Variants in FMNL2 observed in about 807,000 individuals in gnomAD.
FMNL2 encodes the protein formin-like protein 2.
Under a neutral mutation model 130.2 loss-of-function variants are expected in FMNL2, and 51 were observed. That is an observed-to-expected ratio of 0.39 (90% CI 0.31 to 0.49). The LOEUF (loss-of-function observed/expected upper bound fraction) is 0.49. Among genes scored for constraint, FMNL2 ranks in the 20% least tolerant of loss-of-function variants. FMNL2 has a pLI of 0.85. For missense variants in FMNL2, 977 were observed against 1,316.2 expected (o/e 0.74, Z 3.99); for synonymous variants, 465 against 467.1 (o/e 1.00, Z 0.06).
At chr2:152,608,726 T>C (rs1275161752) in intron 10 of FMNL2, among the ~76,000 whole-genome samples, 2 of 152,114 alleles carry the variant, frequency 1.3e-5, no homozygotes, top group African/African-American at 4.8e-5. Context: ...TGTCTCATGA[T>C]GTGAGTTTCT....
chr2:152,509,737 C>T (rs367918553), intron 1 of FMNL2, among the ~76,000 whole-genome samples: 18 of 58,682 alleles, frequency 3.1e-4, no homozygotes, highest in Non-Finnish European at 3.1e-4. Context: ...TACTCTGGAC[C>T]TTTTTTTTTT....
chr2:152,522,651 T>G (rs1693160078), intron 2 of FMNL2, among the ~76,000 whole-genome samples: 1 of 152,172 alleles, frequency 6.6e-6, no homozygotes, highest in Non-Finnish European at 1.5e-5. Flanking sequence ...CTGCACAAAC[T>G]CTTTGCTCTT....
intron 1 of FMNL2, among the ~76,000 whole-genome samples, chr2:152,466,938 G>A (rs772810994): frequency 3.3e-5 from 5 of 152,128 alleles, no homozygotes; most frequent in Non-Finnish European, 1.5e-5. Flanking sequence ...AGCCTGCACC[G>A]ATTTTGTCCC....
At chr2:152,434,492 C>T (rs931053139) in intron 1 of FMNL2, among the ~76,000 whole-genome samples, 1 of 152,150 alleles carries the variant, frequency 6.6e-6, no homozygotes, top group Non-Finnish European at 1.5e-5. Context: ...CACACAAAAA[C>T]TTGAGTGCTT....
intron 4 of FMNL2, among the ~76,000 whole-genome samples, chr2:152,550,086 G>A (rs1340065566): frequency 6.6e-6 from 1 of 152,082 alleles, no homozygotes; most frequent in Non-Finnish European, 1.5e-5. Context: ...GTGAAATAAT[G>A]TTGTTATAAA....
intron 1 of FMNL2, among the ~76,000 whole-genome samples, chr2:152,499,921 C>T (rs144125969): frequency 1.8e-4 from 28 of 152,212 alleles, no homozygotes; most frequent in African/African-American, 4.8e-4. Flanking sequence ...GGCTAAAACC[C>T]GACTCTGGAT....
At position 152,649,691 on chromosome 2, in the gene FMNL2, T is replaced by C. The variant is rs1387381970; in HGVS notation, c.*1786T>C. ...TTTATTAATCTACAAATAGACAACG[T>C]TGGCATGTTCTTTTCTGTTTGTCTA... On this transcript the variant is annotated 3_prime_UTR_variant, in exon 26 of 26. Coordinates refer to ENST00000288670, the MANE Select transcript of FMNL2 (RefSeq NM_052905.4). The C allele has an allele frequency of 1.3e-5, 2 of 152,652 alleles. No homozygotes were observed. The highest frequency in any genetic ancestry group is 1.3e-4 in the Admixed American group (2 of 15,282). The allele number at this position is 152,652 out of a possible 1,614,324, so 9.5% of individuals were successfully genotyped here.
At chr2:152,431,519 A>G (rs189788069) in intron 1 of FMNL2, among the ~76,000 whole-genome samples, 128 of 152,352 alleles carry the variant, frequency 8.4e-4, no homozygotes, top group African/African-American at 3.0e-3. Context: ...AAAAATAGCA[A>G]CATGTTTTTG....
chr2:152,614,136 A>G (rs1274441069), intron 11 of FMNL2, among the ~76,000 whole-genome samples: 1 of 152,224 alleles, frequency 6.6e-6, no homozygotes, highest in African/African-American at 2.4e-5. Context: ...GTAACTAACC[A>G]GGTAAGATAC....
intron 1 of FMNL2, among the ~76,000 whole-genome samples, chr2:152,377,028 C>T (rs1410409779): frequency 1.3e-5 from 2 of 152,184 alleles, no homozygotes; most frequent in African/African-American, 4.8e-5. Flanking sequence ...TCACATAGAT[C>T]TGGGATGGAA....
rs1347974358 is a variant in FMNL2, at chr2:152,359,547, AG to A, written c.117+23828del. ...AACTAGGGAGAGTCAGGCATTAGGA[AG>A]TTAAGTGTGGAGTTGATTTTTTTAA... On this transcript the variant is annotated intron_variant, in intron 1 of 25. Coordinates refer to ENST00000288670, the MANE Select transcript of FMNL2 (RefSeq NM_052905.4). 2.6e-5 allele frequency among the ~76,000 whole-genome samples: 4 copies of A among 150,948 alleles called. No homozygotes were observed. The Admixed American group carries it at 2.7e-4, about 10-fold the overall frequency.
intron 1 of FMNL2, among the ~76,000 whole-genome samples, chr2:152,386,397 C>G (rs1480127911): frequency 3.3e-5 from 5 of 152,184 alleles, no homozygotes; most frequent in African/African-American, 7.2e-5. Context: ...TGCCACTTGT[C>G]TTGTCATCTT....
chr2:152,635,376 T>TG (rs1682505757), intron 21 of FMNL2, among the ~76,000 whole-genome samples: 1 of 152,352 alleles, frequency 6.6e-6, no homozygotes, highest in South Asian at 2.1e-4. Flanking sequence ...TTGTTGATGT[T>TG]GCGAGTTGTC....
intron 1 of FMNL2, among the ~76,000 whole-genome samples, chr2:152,486,166 CT>C (rs1690819291): frequency 6.6e-6 from 1 of 152,176 alleles, no homozygotes. Flanking sequence ...TTCTTGTCAC[CT>C]TTCAGCTCTT....
intron 1 of FMNL2, among the ~76,000 whole-genome samples, chr2:152,516,174 T>C (rs752420703): frequency 6.6e-6 from 1 of 152,150 alleles, no homozygotes; most frequent in Non-Finnish European, 1.5e-5. Flanking sequence ...GTTTGATGGG[T>C]ACAGAGTTTG....
chr2:152,430,977 A>G (rs1687464380), intron 1 of FMNL2, among the ~76,000 whole-genome samples: 1 of 152,140 alleles, frequency 6.6e-6, no homozygotes, highest in Non-Finnish European at 1.5e-5. Context: ...GGACCATTAA[A>G]AAATGTAATT....
chr2:152,617,013 G>T, intron 12 of FMNL2, 78 bp from the exon 13 acceptor site: 1 of 1,245,870 alleles, frequency 8.0e-7, no homozygotes, highest in Non-Finnish European at 1.1e-6. Context: ...TAATAATCTT[G>T]GAGCTGCACT....
intron 9 of FMNL2, among the ~76,000 whole-genome samples, chr2:152,603,435 C>G (rs910298616): frequency 1.4e-5 from 2 of 138,664 alleles, no homozygotes; most frequent in East Asian, 4.6e-4. Context: ...AGGTATTTCT[C>G]TGTTTTGTAA....
intron 1 of FMNL2, among the ~76,000 whole-genome samples, chr2:152,398,528 G>A (rs1462661434): frequency 6.6e-6 from 1 of 152,088 alleles, no homozygotes; most frequent in Non-Finnish European, 1.5e-5. Flanking sequence ...GATGATTTTT[G>A]GATGATTAAC....
Sources: gnomAD v4.1 joint callset for allele counts (sites outside exome capture counted in the v4.1 genomes callset) on GRCh38, gnomAD v4.1.1 for gene constraint, MANE v1.5 for transcripts, NCBI Gene and HGNC (gene_info 2026-07-23, HGNC 2026-07-21) for gene names.